Variants in SORCS3 observed in about 807,000 individuals in gnomAD.
SORCS3 encodes VPS10 domain-containing receptor SorCS3.
A neutral mutation model predicts 146.3 loss-of-function variants in SORCS3; 57 were observed. The ratio of observed to expected loss-of-function variants is 0.39; its 90% CI spans 0.31 to 0.49. The LOEUF (loss-of-function observed/expected upper bound fraction) is 0.49. Ranked by LOEUF, SORCS3 falls within the 20% of genes least tolerant of loss-of-function variation. The probability of loss-of-function intolerance (pLI) is 0.92; values close to 1 mark genes in which losing one functional copy is unlikely to be tolerated. For missense variants in SORCS3, 1,341 were observed against 1,575.5 expected, an observed-to-expected ratio of 0.85 and a Z score of 2.52; for synonymous variants, 653 against 618.5, an observed-to-expected ratio of 1.06 and a Z score of -0.83.
rs762365516 is a variant in SORCS3 at position 105,262,485 on chromosome 10, G to T, written c.3598G>T (p.Val1200Phe). Residue 1200 changes from valine (V) to phenylalanine (F), a missense_variant, in exon 26 of 27, where the codon GTC becomes TTC. By Grantham distance (50) the Val-to-Phe change is conservative. Transcript: ENST00000369701. ...GCTGGACAAAGAGCTGGACACGCGG[G>T]TCATAGGTACATGCTCCTGCTCCAC... ...ELLDKELDTR[V>F]IGGIATIANS... 6.2e-7 allele frequency: 1 copy of T among 1,613,430 alleles called. No individual in the cohort carries two copies. The highest frequency in any genetic ancestry group is 2.2e-5 in the East Asian group (1 of 44,878).
At chr10:104,974,962 T>C (rs1451562964) in intron 3 of SORCS3, among the ~76,000 whole-genome samples, 1 of 152,166 alleles carries the variant, frequency 6.6e-6, no homozygotes, top group Non-Finnish European at 1.5e-5. Context: ...TGAAGCTTAG[T>C]TTGGCTGGAT....
chr10:105,049,316 CCTTT>C (rs2055395533), intron 5 of SORCS3, among the ~76,000 whole-genome samples: 1 of 152,082 alleles, frequency 6.6e-6, no homozygotes, highest in South Asian at 2.1e-4. Flanking sequence ...CCTCTCCTTC[CCTTT>C]CATGGACTCT....
chr10:105,089,580 C>A (rs911371388), intron 5 of SORCS3, among the ~76,000 whole-genome samples, 195 bp from the exon 6 acceptor site: 4 of 152,216 alleles, frequency 2.6e-5, no homozygotes, highest in Non-Finnish European at 5.9e-5. Context: ...TCTCATGACC[C>A]TTACAGATGA....
intron 7 of SORCS3, among the ~76,000 whole-genome samples, chr10:105,126,620 G>A (rs536800695): frequency 2.8e-4 from 43 of 152,104 alleles, no homozygotes; most frequent in South Asian, 1.9e-3. Context: ...TGTGGAGGGT[G>A]GTCTAAGAGA....
At chr10:105,146,010 A>T (rs2056128730) in intron 8 of SORCS3, among the ~76,000 whole-genome samples, 1 of 152,112 alleles carries the variant, frequency 6.6e-6, no homozygotes, top group Non-Finnish European at 1.5e-5. Context: ...GGTCAAACAC[A>T]GTAAAGGCTA....
At chr10:105,070,593 A>T (rs547995661) in intron 5 of SORCS3, among the ~76,000 whole-genome samples, 1 of 152,264 alleles carries the variant, frequency 6.6e-6, no homozygotes, top group East Asian at 1.9e-4. Flanking sequence ...CCTTTTAAGA[A>T]CTCTACATGG....
At chr10:105,020,955 G>A (rs552637891) in intron 4 of SORCS3, among the ~76,000 whole-genome samples, 11 of 152,298 alleles carry the variant, frequency 7.2e-5, no homozygotes, top group African/African-American at 2.4e-4. Context: ...ATTATTGCAA[G>A]CATCACCCTC....
At chr10:104,676,891 C>G (rs976721108) in intron 1 of SORCS3, among the ~76,000 whole-genome samples, 6 of 152,144 alleles carry the variant, frequency 3.9e-5, no homozygotes, top group Non-Finnish European at 8.8e-5. Context: ...TGTGCCTTCT[C>G]TCCACTTCCA....
intron 7 of SORCS3, among the ~76,000 whole-genome samples, chr10:105,132,135 C>T (rs894746901): frequency 5.9e-5 from 9 of 152,106 alleles, no homozygotes; most frequent in South Asian, 4.1e-4. Context: ...CCAGCTCCAC[C>T]ATTTATTTGT....
intron 1 of SORCS3, among the ~76,000 whole-genome samples, chr10:104,732,161 T>A (rs2016713502): frequency 6.6e-6 from 1 of 152,224 alleles, no homozygotes. Flanking sequence ...TGGTGTTTAA[T>A]TGGCCCTCAG....
chr10:104,931,317 A>C (rs939395859), intron 3 of SORCS3, among the ~76,000 whole-genome samples: 4 of 152,268 alleles, frequency 2.6e-5, no homozygotes, highest in Non-Finnish European at 4.4e-5. Context: ...CTGGGCAGCT[A>C]GGTAGCTACA....
intron 1 of SORCS3, among the ~76,000 whole-genome samples, chr10:104,714,916 G>A (rs931901005): frequency 2.2e-4 from 33 of 152,170 alleles, no homozygotes; most frequent in Admixed American, 1.4e-3. Context: ...GCATTATTAG[G>A]AAGACCAGAG....
intron 5 of SORCS3, among the ~76,000 whole-genome samples, chr10:105,052,013 G>A (rs1055635010): frequency 6.6e-6 from 1 of 152,144 alleles, no homozygotes; most frequent in Non-Finnish European, 1.5e-5. Flanking sequence ...CTAAAATGCA[G>A]TGTTCATATG....
chr10:104,724,348 G>A (rs2016594641), intron 1 of SORCS3, among the ~76,000 whole-genome samples: 1 of 152,212 alleles, frequency 6.6e-6, no homozygotes, highest in African/African-American at 2.4e-5. Flanking sequence ...GAGATCAGCT[G>A]TTAGTCTGAT....
chr10:105,169,686 G>A (rs866355390), intron 13 of SORCS3, among the ~76,000 whole-genome samples: 4 of 152,120 alleles, frequency 2.6e-5, no homozygotes, highest in Middle Eastern at 3.2e-3. Flanking sequence ...GGTCTGGTAG[G>A]TAATTTTTTC....
intron 1 of SORCS3, among the ~76,000 whole-genome samples, chr10:104,815,448 CAAA>C (rs5787549): frequency 1.3e-5 from 1 of 79,364 alleles, no homozygotes. Flanking sequence ...GACCCTGTCT[CAAA>C]AAAAAAAAAA....
At chr10:105,229,896 TTGGGCAGGAGGTG>T (rs1384390980) in intron 20 of SORCS3, among the ~76,000 whole-genome samples, 2 of 152,136 alleles carry the variant, frequency 1.3e-5, no homozygotes, top group Non-Finnish European at 2.9e-5. Flanking sequence ...TCTGTGCCCC[TTGGGCAGGAGGTG>T]TGGTGTAGGT....
chr10:104,839,296 A>G lies in SORCS3; in HGVS notation c.628-3496A>G, dbSNP rs74155054. 3.8e-3 allele frequency among the ~76,000 whole-genome samples: 581 copies of G among 152,298 alleles called. 3 individuals are homozygous for G. Among genetic ancestry groups the G allele is most frequent in the African/African-American group, 0.013 (531 of 41,572 alleles). The stretch of plus-strand genomic sequence containing the variant: ...AATTTTAAGCAAAATAGGACTTCAC[A>G]GGAGAGAACATTTTTGATGTCTGGG... On this transcript the variant is annotated intron_variant, in intron 1 of 26. Coordinates refer to ENST00000369701, the MANE Select transcript of SORCS3 (RefSeq NM_014978.3).
chr10:105,164,153 G>T, intron 11 of SORCS3, 150 bp from the exon 12 acceptor site: 1 of 630,104 alleles, frequency 1.6e-6, no homozygotes, highest in East Asian at 2.8e-5. Context: ...ATCCTGCTGG[G>T]CTTTTGATAT....
Sources: allele counts gnomAD v4.1 joint callset (sites outside exome capture counted in the v4.1 genomes callset), GRCh38; gene constraint gnomAD v4.1.1; transcripts MANE v1.5; gene names NCBI Gene and HGNC (gene_info 2026-07-23, HGNC 2026-07-21).